The following LTBP2 variants were observed in gnomAD, a reference collection of about 807,000 sequenced individuals.
LTBP2 encodes the protein latent transforming growth factor beta binding protein 2, also known as latent-transforming growth factor beta-binding protein 2.
A neutral mutation model predicts 210.6 loss-of-function variants in LTBP2; 103 were observed. The ratio of observed to expected loss-of-function variants is 0.49; its 90% CI spans 0.42 to 0.58. The LOEUF is 0.58. LTBP2 is among the 20% of genes least tolerant of loss of function. LTBP2 has a pLI of 0.00. For synonymous variants in LTBP2, 1,007 were observed against 1,015.0 expected, an observed-to-expected ratio of 0.99 and a Z score of 0.15; for missense variants, 2,313 against 2,494.5, an observed-to-expected ratio of 0.93 and a Z score of 1.55.
rs539645197 is a variant in LTBP2 at position 74,535,396 on chromosome 14, G to A, written c.1864+530C>T. Among the ~76,000 whole-genome samples the A allele has an allele frequency of 2.0e-5, 3 of 152,274 alleles. No individual in the cohort carries two copies. The South Asian group carries it at 6.2e-4, about 32-fold the overall frequency. ...GCCACCTTGTTCCCCACTGGCCTCTGCCAGCCCCAGGAGCCTGTCCCAGGC... is the reference window on the plus strand; with the variant it reads ...GCCACCTTGTTCCCCACTGGCCTCTACCAGCCCCAGGAGCCTGTCCCAGGC... On this transcript the variant is annotated intron_variant, in intron 9 of 35. Coordinates refer to ENST00000261978, the MANE Select transcript of LTBP2 (RefSeq NM_000428.3).
rs2139688582 is a variant in LTBP2, at chr14:74,503,965, G to A, written c.4543C>T (p.Pro1515Ser). 3 of 1,614,186 alleles carry A rather than the reference G, an allele frequency of 1.9e-6. No individual in the cohort carries two copies. The East Asian group carries it at 6.7e-5, about 36-fold the overall frequency. The part of the protein sequence containing the change: ...TVPGYVCLCN[P>S]GFHYDASHKK... ...TGGGAAGCATCGTAGTGGAAGCCGGGATTGCACAGGCAGACATAACCAGGC... is the reference window on the plus strand; with the variant it reads ...TGGGAAGCATCGTAGTGGAAGCCGGAATTGCACAGGCAGACATAACCAGGC... The change falls in exon 31 of 36, where the codon CCC becomes TCC. Residue 1515 changes from proline (P) to serine (S), a missense_variant. Physicochemically the swap from Pro to Ser is moderately conservative, Grantham distance 74. Around this residue, in one of 3 missense-constraint regions of LTBP2, gnomAD observed 443 missense variants for 501.4 expected, o/e 0.88. Transcript: ENST00000261978.
At chr14:74,550,190 C>T (rs867510585) in intron 7 of LTBP2, among the ~76,000 whole-genome samples, 23 of 152,312 alleles carry the variant, frequency 1.5e-4, no homozygotes, top group South Asian at 1.0e-3. Context: ...GGATGGGACA[C>T]CCCAGACACA....
chr14:74,585,753 C>A, intron 3 of LTBP2, 101 bp downstream of exon 3: 5 of 1,565,266 alleles, frequency 3.2e-6, no homozygotes, highest in Non-Finnish European at 2.6e-6. Context: ...GAGGACTCTG[C>A]GGCCTTCTCC....
At position 74,611,896 on chromosome 14, in the gene LTBP2, G is replaced by A. The variant is rs754052792; in HGVS notation, c.49C>T (p.Pro17Ser). The A allele has an allele frequency of 3.7e-6, 6 of 1,600,606 alleles. No homozygotes were observed. The highest frequency in any genetic ancestry group is 1.1e-5 in the South Asian group (1 of 90,194). The stretch of plus-strand genomic sequence containing the variant: ...GTGAGCGGCAGGAAGCCTCTCCAGG[G>A]GTTCCGCAGGGCGCGCCCCGGGCTG... ...ARSPGRALRN[P>S]WRGFLPLTLA... The change falls in exon 1 of 36, where the codon CCC becomes TCC. Residue 17 changes from proline to serine, a missense_variant. This residue lies in a region of LTBP2 where 1,867 missense variants were observed against 1,976.9 expected (regional missense o/e 0.94). Coordinates refer to ENST00000261978, the MANE Select transcript of LTBP2 (RefSeq NM_000428.3).
chr14:74,506,317 G>C, intron 27 of LTBP2, 126 bp from the exon 28 acceptor site: 1 of 1,274,624 alleles, frequency 7.8e-7, no homozygotes, highest in African/African-American at 1.5e-5. Flanking sequence ...AGTAAGTATA[G>C]ATTTGTAGGG....
At chr14:74,521,601 T>C (rs776314333) in intron 17 of LTBP2, among the ~76,000 whole-genome samples, 9 of 152,222 alleles carry the variant, frequency 5.9e-5, no homozygotes, top group African/African-American at 9.6e-5. Context: ...CACTCGGAGT[T>C]TGGGGGCCTG....
chr14:74,577,504 CTTT>C (rs397948520), intron 3 of LTBP2, among the ~76,000 whole-genome samples: 3 of 135,944 alleles, frequency 2.2e-5, no homozygotes, highest in Admixed American at 1.5e-4. Context: ...ACCATTATCT[CTTT>C]TTTTTTTTTT....
intron 6 of LTBP2, 139 bp from the exon 7 acceptor site, chr14:74,551,489 G>T: frequency 1.2e-6 from 1 of 857,622 alleles, no homozygotes; most frequent in Non-Finnish European, 1.7e-6. Context: ...CCATTTCTTT[G>T]CTCCCAAGTT....
At chr14:74,514,049 A>G (rs2087105364) in intron 18 of LTBP2, among the ~76,000 whole-genome samples, 1 of 152,212 alleles carries the variant, frequency 6.6e-6, no homozygotes, top group South Asian at 2.1e-4. Flanking sequence ...CTGAACCATT[A>G]GCCAAGCCAA....
rs761055280 is a variant in LTBP2 at position 74,506,800 on chromosome 14, T to C, written c.3931A>G (p.Thr1311Ala). 2 of 1,614,004 alleles carry C rather than the reference T, an allele frequency of 1.2e-6. No homozygotes were observed. Among genetic ancestry groups the C allele is most frequent in the East Asian group, 2.2e-5 (1 of 44,872 alleles). Residue 1311 changes from threonine to alanine, a missense_variant, in exon 27 of 36, where the codon ACC (threonine) becomes GCC (alanine). This residue lies in a region of LTBP2 where 1,867 missense variants were observed against 1,976.9 expected (regional missense o/e 0.94). Transcript: ENST00000261978. ...CIDIDECAND[T>A]MCGSHGFCDN... is the part of the protein sequence containing the mutation. ...CAGAAGCCGTGGCTGCCACACATGG[T>C]GTCGTTGGCGCACTCGTCTATGTCT...
rs1296679868 is a variant in LTBP2 at position 74,552,171 on chromosome 14, C to G, written c.1399+16G>C. The stretch of plus-strand genomic sequence containing the variant: ...TCCTCCCAGGGTCCCGCCGGCCCAG[C>G]TGTGCCGGCACTCACCCAGCTGGTT... On this transcript the variant is annotated intron_variant, in intron 6 of 35. Transcript: ENST00000261978. The G allele has an allele frequency of 7.6e-6, 12 of 1,584,416 alleles. No individual in the cohort carries two copies. The Admixed American group carries it at 2.2e-4, about 29-fold the overall frequency.
chr14:74,542,122 A>G (rs531737293), intron 8 of LTBP2, among the ~76,000 whole-genome samples: 46 of 152,330 alleles, frequency 3.0e-4, no homozygotes, highest in African/African-American at 1.1e-3. Flanking sequence ...CTGAACTCCA[A>G]GGAGTTCACA....
At chr14:74,516,786 G>C (rs1263544878) in intron 18 of LTBP2, 36 bp downstream of exon 18, 1 of 1,538,848 alleles carries the variant, frequency 6.5e-7, no homozygotes, top group Non-Finnish European at 8.8e-7. Flanking sequence ...GTGGGTGGTG[G>C]GGTGGCAGGG....
rs542202186 is a variant in LTBP2, at chr14:74,546,697, A to G, written c.1789+3166T>C. On this transcript the variant is annotated intron_variant, in intron 8 of 35. Coordinates refer to ENST00000261978, the MANE Select transcript of LTBP2 (RefSeq NM_000428.3). ...GGGAGGGGTACAATTCGTGTTCTGC[A>G]CGCACCTGATCCACAGAGCTCTGCT... 2.6e-5 allele frequency among the ~76,000 whole-genome samples: 4 copies of G among 152,266 alleles called. No individual in the cohort carries two copies. In the East Asian group the frequency reaches 7.7e-4, roughly 29 times the overall value.
rs933196948 is a variant in LTBP2 at position 74,555,586 on chromosome 14, T to C, written c.938A>G (p.Asn313Ser). ...TATASSQLSS[N>S]ALPPGPGLEQ... Reference sequence around the variant, plus strand: ...AAGGCCTGGTCCCGGGGGCAGGGCGTTGGAAGAGAGCTGGCTACTGGCCGT... The same window carrying C: ...AAGGCCTGGTCCCGGGGGCAGGGCGCTGGAAGAGAGCTGGCTACTGGCCGT... Residue 313 changes from asparagine (N) to serine (S), a missense_variant, in exon 4 of 36, where the codon AAC becomes AGC. By Grantham distance (46) the Asn-to-Ser change is conservative. Coordinates refer to ENST00000261978, the MANE Select transcript of LTBP2 (RefSeq NM_000428.3). 3.1e-6 allele frequency: 5 copies of C among 1,612,084 alleles called. No homozygotes were observed. The highest frequency in any genetic ancestry group is 4.2e-6 in the Non-Finnish European group (5 of 1,178,946).
rs2087004341 is a variant in LTBP2, at chr14:74,507,271, C to T, written c.3815G>A (p.Gly1272Asp). The change falls in exon 26 of 36, where the codon GGC becomes GAC. Residue 1272 changes from glycine to aspartate, a missense_variant. Physicochemically the swap from Gly to Asp is moderately conservative, Grantham distance 94 (BLOSUM62 -1). Transcript: ENST00000261978. ...ECEDYGDPVC[G>D]TWKCENSPGS... is the part of the protein sequence containing the mutation. ...AGGGCTGTTTTCACACTTCCAGGTGCCACACACCGGGTCTCCATAGTCCTC... is the reference window on the plus strand; with the variant it reads ...AGGGCTGTTTTCACACTTCCAGGTGTCACACACCGGGTCTCCATAGTCCTC... 5.0e-6 allele frequency: 8 copies of T among 1,614,196 alleles called. No individual in the cohort carries two copies. The highest frequency in any genetic ancestry group is 5.9e-6 in the Non-Finnish European group (7 of 1,180,022).
rs61051522 is a variant in LTBP2 at position 74,544,883 on chromosome 14, G to C, written c.1789+4980C>G. ...TGTCCCTTGTGATCAGTTTCAAGTCGAGCTCTGGTTACCAGAAACACCACA... is the reference window on the plus strand; with the variant it reads ...TGTCCCTTGTGATCAGTTTCAAGTCCAGCTCTGGTTACCAGAAACACCACA... On this transcript the variant is annotated intron_variant, in intron 8 of 35. Coordinates refer to ENST00000261978, the MANE Select transcript of LTBP2 (RefSeq NM_000428.3). Among the ~76,000 whole-genome samples the C allele has an allele frequency of 8.6e-3, 1,310 of 152,086 alleles. 18 individuals are homozygous for C. The highest frequency in any genetic ancestry group is 0.029 in the African/African-American group (1,217 of 41,472).
At chr14:74,592,433 C>T (rs867450433) in intron 2 of LTBP2, among the ~76,000 whole-genome samples, 1 of 152,178 alleles carries the variant, frequency 6.6e-6, no homozygotes, top group African/African-American at 2.4e-5. Flanking sequence ...CTTTAGGAGG[C>T]TGAGGCTGGA....
At chr14:74,521,760 C>T in intron 17 of LTBP2, 151 bp downstream of exon 17, 1 of 1,089,804 alleles carries the variant, frequency 9.2e-7, no homozygotes, top group East Asian at 2.4e-5. Flanking sequence ...CTCCCAGATC[C>T]AGGCTGGAGT....
Sources: gnomAD v4.1 joint callset for allele counts (sites outside exome capture counted in the v4.1 genomes callset) on GRCh38, gnomAD v4.1.1 for gene constraint, gnomAD v4.1.1 regional missense constraint, MANE v1.5 for transcripts, NCBI Gene and HGNC (gene_info 2026-07-23, HGNC 2026-07-21) for gene names.